Variants in FOXP1 observed in about 807,000 individuals in gnomAD.
FOXP1 encodes the protein forkhead box P1.
In FOXP1, 15 loss-of-function variants were observed where a neutral mutation model predicts 98.2. That is an observed-to-expected ratio of 0.15 (90% CI 0.10 to 0.24). FOXP1 has a LOEUF of 0.24. Ranked by LOEUF, FOXP1 falls within the 10% of genes least tolerant of loss-of-function variation. FOXP1 has a pLI of 1.00. For missense variants in FOXP1, 633 were observed against 848.5 expected (o/e 0.75, Z 3.15); for synonymous variants, 371 against 314.5 (o/e 1.18, Z -1.90).
Position 70,959,214 on chromosome 3 carries a change from A to G in FOXP1, c.*33T>C. On this transcript the variant is annotated 3_prime_UTR_variant, in exon 21 of 21. Coordinates refer to ENST00000649528, the MANE Select transcript of FOXP1 (RefSeq NM_001349338.3). ...TGTTTTTTTTTTTTTCCTTTTTCCA[A>G]TCTTCATTCTCGGGGTTGGCCCGCC... is the stretch of plus-strand genomic sequence containing the variant. 1.9e-6 allele frequency: 3 copies of G among 1,605,062 alleles called. No homozygotes were observed. The highest frequency in any genetic ancestry group is 1.7e-6 in the Non-Finnish European group (2 of 1,176,312).
chr3:71,358,455 G>A (rs753474905), intron 4 of FOXP1, among the ~76,000 whole-genome samples: 35 of 152,330 alleles, frequency 2.3e-4, no homozygotes, highest in Non-Finnish European at 4.3e-4. Flanking sequence ...TCCACAAGGT[G>A]AACCAGAATG....
intron 11 of FOXP1, among the ~76,000 whole-genome samples, chr3:71,026,778 G>C (rs1192734103): frequency 8.5e-5 from 13 of 152,212 alleles, no homozygotes; most frequent in Non-Finnish European, 1.5e-5. Context: ...CAGATGCCAG[G>C]AGTATTTATG....
intron 5 of FOXP1, among the ~76,000 whole-genome samples, chr3:71,244,090 C>A (rs1192146817): frequency 6.6e-6 from 1 of 152,098 alleles, no homozygotes; most frequent in Non-Finnish European, 1.5e-5. Context: ...TCAATACAGT[C>A]CCTCATCAGG....
At chr3:71,391,318 T>C (rs978877221) in intron 3 of FOXP1, among the ~76,000 whole-genome samples, 1 of 152,236 alleles carries the variant, frequency 6.6e-6, no homozygotes, top group Non-Finnish European at 1.5e-5. Context: ...GGTTTAGACA[T>C]AGGTTGAAAA....
At chr3:71,317,711 A>T (rs1473974695) in intron 4 of FOXP1, among the ~76,000 whole-genome samples, 1 of 151,878 alleles carries the variant, frequency 6.6e-6, no homozygotes, top group African/African-American at 2.4e-5. Context: ...TCAAATAAGA[A>T]ACTATTTTGG....
At chr3:71,226,086 A>G (rs552821114) in intron 5 of FOXP1, among the ~76,000 whole-genome samples, 5 of 152,270 alleles carry the variant, frequency 3.3e-5, no homozygotes, top group East Asian at 3.9e-4. Flanking sequence ...CTGAGACACT[A>G]CTTCTATTTT....
At chr3:71,582,377 C>T (rs1424323537) in intron 1 of FOXP1, 1 of 978,474 alleles carries the variant, frequency 1.0e-6, no homozygotes, top group Non-Finnish European at 1.2e-6. Context: ...CTCCCGGCGC[C>T]GCCGCCACCG....
chr3:71,521,570 C>G (rs956760538), intron 2 of FOXP1, among the ~76,000 whole-genome samples: 1 of 151,338 alleles, frequency 6.6e-6, no homozygotes, highest in Non-Finnish European at 1.5e-5. Context: ...GGGTGAAGGA[C>G]AGGGGCTCTG....
rs1410947373 is a variant in FOXP1 at position 70,956,325 on chromosome 3, T to C, written c.*2922A>G. 2.1e-5 allele frequency: 5 copies of C among 233,282 alleles called. No individual in the cohort carries two copies. Among genetic ancestry groups the C allele is most frequent in the Non-Finnish European group, 4.2e-5 (5 of 117,928 alleles). The allele number at this position is 233,282 out of a possible 1,614,324, so 14.5% of individuals were successfully genotyped here. A position where few individuals can be genotyped will look rare whatever the true frequency, so the allele number is the denominator to read the frequency against. On this transcript the variant is annotated 3_prime_UTR_variant, in exon 21 of 21. Transcript: ENST00000649528. ...CAGAATTGTAAAAATCATAGTGAAG[T>C]TTGCTTGCTGTAAAGCCTGAGAATT...
At chr3:71,260,739 C>T (rs2069060309) in intron 5 of FOXP1, among the ~76,000 whole-genome samples, 1 of 151,630 alleles carries the variant, frequency 6.6e-6, no homozygotes, top group East Asian at 2.0e-4. Flanking sequence ...GACAGGGTTT[C>T]ACTATGCTGG....
chr3:71,279,658 A>C (rs1470818511), intron 5 of FOXP1, among the ~76,000 whole-genome samples: 3 of 152,230 alleles, frequency 2.0e-5, no homozygotes, highest in Non-Finnish European at 4.4e-5. Flanking sequence ...AGAAATGGTT[A>C]GATAAACTGC....
chr3:71,414,648 G>A (rs147404992), intron 3 of FOXP1, among the ~76,000 whole-genome samples: 10 of 152,340 alleles, frequency 6.6e-5, no homozygotes, highest in African/African-American at 2.2e-4. Context: ...GCCCCAGCCC[G>A]CAGAGGGGGA....
At chr3:71,535,660 G>C (rs1287448577) in intron 2 of FOXP1, among the ~76,000 whole-genome samples, 1 of 152,186 alleles carries the variant, frequency 6.6e-6, no homozygotes, top group Non-Finnish European at 1.5e-5. Flanking sequence ...GGAGGTGAAG[G>C]CTGCAGTAAG....
intron 6 of FOXP1, among the ~76,000 whole-genome samples, chr3:71,154,093 CTTCT>C (rs1228217528): frequency 7.8e-6 from 1 of 128,076 alleles, no homozygotes; most frequent in Non-Finnish European, 1.7e-5. Context: ...TCTTCTTCTT[CTTCT>C]TTTTTTTTGC....
intron 3 of FOXP1, among the ~76,000 whole-genome samples, chr3:71,405,582 T>G (rs1234165164): frequency 6.6e-6 from 1 of 152,058 alleles, no homozygotes; most frequent in Non-Finnish European, 1.5e-5. Flanking sequence ...TTCCACAGAT[T>G]TAGGCCCTAA....
intron 4 of FOXP1, among the ~76,000 whole-genome samples, chr3:71,352,470 C>CAAAAAAAAAAAAAAAAAAAAAAAAAAAA (rs34693899): frequency 1.5e-5 from 1 of 67,130 alleles, no homozygotes; most frequent in Non-Finnish European, 2.5e-5. Context: ...GACTCCATCT[C>CAAAAAAAAAAAAAAAAAAAAAAAAAAAA]AAAAAAAAAA....
rs1438948964 is a variant in FOXP1, at chr3:71,323,964, A to C, written c.-72-24084T>G. Among the ~76,000 whole-genome samples the C allele has an allele frequency of 2.6e-5, 4 of 152,164 alleles. No individual in the cohort carries two copies. The East Asian group carries it at 7.7e-4, about 29-fold the overall frequency. On this transcript the variant is annotated intron_variant, in intron 4 of 20. Transcript: ENST00000649528. ...GCTGGGCTTCAATTTCCTAATTAGT[A>C]AAAGGACAGGGCTGAATTAGAATTA...
intron 4 of FOXP1, among the ~76,000 whole-genome samples, chr3:71,341,214 T>C (rs181118445): frequency 6.6e-6 from 1 of 152,276 alleles, no homozygotes; most frequent in East Asian, 1.9e-4. Context: ...GGATATACCA[T>C]ATTCTGAACC....
At chr3:71,141,315 C>A in intron 6 of FOXP1, among the ~76,000 whole-genome samples, 1 of 151,378 alleles carries the variant, frequency 6.6e-6, no homozygotes, top group Non-Finnish European at 1.5e-5. Context: ...TCAGACTGTC[C>A]ATGACTTGAA....
Sources: allele counts gnomAD v4.1 joint callset (sites outside exome capture counted in the v4.1 genomes callset), GRCh38; gene constraint gnomAD v4.1.1; transcripts MANE v1.5; gene names NCBI Gene and HGNC (gene_info 2026-07-23, HGNC 2026-07-21).